ARID5B: variants seen among roughly 807,000 people sequenced by gnomAD.
ARID5B encodes the protein AT-rich interactive domain-containing protein 5B.
ARID5B carries 13 observed loss-of-function variants against 97.2 expected under a neutral mutation model. The observed-to-expected ratio is 0.13, with a 90% CI of 0.09 to 0.21. The LOEUF (loss-of-function observed/expected upper bound fraction) is 0.21, where lower values mean the gene tolerates loss of function less well. Among genes scored for constraint, ARID5B ranks in the 10% least tolerant of loss-of-function variants. The pLI, the probability that ARID5B is intolerant of heterozygous loss-of-function variation, is 1.00. For missense variants in ARID5B, 1,210 were observed against 1,465.3 expected (o/e 0.83, Z 2.84); for synonymous variants, 556 against 570.3 (o/e 0.97, Z 0.36).
intron 2 of ARID5B, among the ~76,000 whole-genome samples, chr10:61,930,523 A>G (rs1844186414): frequency 6.6e-6 from 1 of 151,976 alleles, no homozygotes; most frequent in African/African-American, 2.4e-5. Flanking sequence ...GATCGAGACC[A>G]TCCTGGCTAA....
chr10:61,912,791 C>T (rs1027120030), intron 2 of ARID5B, among the ~76,000 whole-genome samples: 3 of 151,722 alleles, frequency 2.0e-5, no homozygotes, highest in Non-Finnish European at 4.4e-5. Context: ...AGGGAAGTCT[C>T]GCATGCTACA....
At chr10:62,072,842 G>A (rs532686783) in intron 8 of ARID5B, among the ~76,000 whole-genome samples, 12 of 152,284 alleles carry the variant, frequency 7.9e-5, no homozygotes, top group South Asian at 2.1e-4. Flanking sequence ...TAGGATTACC[G>A]TTCTAGATGT....
At chr10:61,950,266 A>G (rs888625321) in intron 3 of ARID5B, among the ~76,000 whole-genome samples, 2 of 152,174 alleles carry the variant, frequency 1.3e-5, no homozygotes, top group African/African-American at 4.8e-5. Flanking sequence ...TCAGCTTCCC[A>G]AAGTGCTTGG....
At chr10:61,972,607 A>C (rs531896335) in intron 3 of ARID5B, among the ~76,000 whole-genome samples, 5 of 152,140 alleles carry the variant, frequency 3.3e-5, no homozygotes, top group African/African-American at 7.2e-5. Flanking sequence ...TTAGTGATGA[A>C]CTCCACTGTA....
chr10:62,031,265 T>A (rs1839494591), intron 4 of ARID5B, among the ~76,000 whole-genome samples: 1 of 152,194 alleles, frequency 6.6e-6, no homozygotes, highest in Non-Finnish European at 1.5e-5. Context: ...TCTGGCATCT[T>A]TAGAGACCCA....
In ARID5B at chr10:62,091,999, C is replaced by T; in HGVS notation, c.2536C>T (p.His846Tyr). ...CCATAGCCTCTACAGACACACCGAG[C>T]ACCATCTTCATAATGAACAGACATC... The part of the protein sequence containing the change: ...HLHSLYRHTE[H>Y]HLHNEQTSKY... Residue 846 changes from histidine (H) to tyrosine (Y), a missense_variant, in exon 10 of 10, where the codon CAC becomes TAC. His to Tyr is a moderately conservative substitution (Grantham distance 83). Coordinates refer to ENST00000279873, the MANE Select transcript of ARID5B (RefSeq NM_032199.3). 6.2e-7 allele frequency: 1 copy of T among 1,614,052 alleles called. No individual in the cohort carries two copies. Among genetic ancestry groups the T allele is most frequent in the Non-Finnish European group, 8.5e-7 (1 of 1,179,988 alleles).
chr10:62,092,274 C>A lies in ARID5B; in HGVS notation c.2811C>A (p.Ile937=). ...CAGGGCCCCAGGAGAGCAAAGGCAT[C>A]TCCCAGTTCCAGGTCTTAGGCAGCC... ...STTGPQESKG[I]SQFQVLGSQS... Residue 937 remains isoleucine, a synonymous_variant, in exon 10 of 10, where the codon ATC becomes ATA. Transcript: ENST00000279873. 1 of 1,606,458 alleles carries A rather than the reference C, an allele frequency of 6.2e-7. No homozygotes were observed. Among genetic ancestry groups the A allele is most frequent in the South Asian group, 1.1e-5 (1 of 89,632 alleles).
intron 7 of ARID5B, among the ~76,000 whole-genome samples, chr10:62,061,110 ACT>A (rs541590804): frequency 1.2e-3 from 184 of 152,310 alleles, no homozygotes; most frequent in African/African-American, 4.2e-3. Context: ...TGTTTTAGAC[ACT>A]GTTAGATGCA....
intron 3 of ARID5B, among the ~76,000 whole-genome samples, chr10:61,946,930 T>C (rs1049917942): frequency 6.6e-6 from 1 of 151,906 alleles, no homozygotes; most frequent in East Asian, 1.9e-4. Context: ...CAAAAAAAAA[T>C]AATAATAATT....
intron 2 of ARID5B, among the ~76,000 whole-genome samples, chr10:61,920,530 T>C (rs1843995849): frequency 6.6e-6 from 1 of 152,048 alleles, no homozygotes; most frequent in South Asian, 2.1e-4. Context: ...AGAGACAGGT[T>C]TCGCCATGTT....
chr10:61,992,837 GCTTA>G (rs1177552793), intron 3 of ARID5B, among the ~76,000 whole-genome samples: 2 of 152,082 alleles, frequency 1.3e-5, no homozygotes, highest in East Asian at 3.9e-4. Context: ...TGCCCCACTT[GCTTA>G]CTGTGTCGAG....
intron 3 of ARID5B, among the ~76,000 whole-genome samples, chr10:61,956,794 A>G (rs1001601528): frequency 6.6e-6 from 1 of 152,362 alleles, no homozygotes; most frequent in African/African-American, 2.4e-5. Flanking sequence ...TACTTTTTAT[A>G]TAACACACAT....
At chr10:61,973,362 T>C (rs900714416) in intron 3 of ARID5B, among the ~76,000 whole-genome samples, 1 of 152,208 alleles carries the variant, frequency 6.6e-6, no homozygotes, top group African/African-American at 2.4e-5. Context: ...CCAATGAGCA[T>C]TTATCCTGAT....
intron 4 of ARID5B, among the ~76,000 whole-genome samples, chr10:62,041,296 T>G (rs1291614119): frequency 6.6e-6 from 1 of 152,142 alleles, no homozygotes; most frequent in Admixed American, 6.5e-5. Flanking sequence ...CAAATGAAGC[T>G]CAGAGACCAC....
At chr10:61,989,627 T>A (rs1189727047) in intron 3 of ARID5B, among the ~76,000 whole-genome samples, 2 of 152,234 alleles carry the variant, frequency 1.3e-5, no homozygotes, top group African/African-American at 4.8e-5. Context: ...AAATAAATTA[T>A]CTAAAATTTT....
chr10:61,915,766 G>C (rs575980688), intron 2 of ARID5B, among the ~76,000 whole-genome samples: 14 of 152,288 alleles, frequency 9.2e-5, no homozygotes, highest in Non-Finnish European at 1.8e-4. Context: ...TTGTTTGTTT[G>C]TTTGTTTGAG....
intron 7 of ARID5B, among the ~76,000 whole-genome samples, chr10:62,065,654 G>A (rs1487411937): frequency 6.6e-6 from 1 of 151,978 alleles, no homozygotes; most frequent in Admixed American, 6.6e-5. Context: ...GACCATCCTG[G>A]CTAACACGGT....
chr10:62,047,408 A>G (rs186125192), intron 4 of ARID5B, among the ~76,000 whole-genome samples: 11 of 152,352 alleles, frequency 7.2e-5, no homozygotes, highest in African/African-American at 2.6e-4. Flanking sequence ...TCATATACAC[A>G]CGTAAAAGTA....
At chr10:61,942,222 C>T (rs948513926) in intron 3 of ARID5B, among the ~76,000 whole-genome samples, 11 of 151,676 alleles carry the variant, frequency 7.3e-5, no homozygotes, top group Non-Finnish European at 1.3e-4. Flanking sequence ...TTAATTCCAC[C>T]CAAAGAAATA....
Sources: gnomAD v4.1 joint callset for allele counts (sites outside exome capture counted in the v4.1 genomes callset) on GRCh38, gnomAD v4.1.1 for gene constraint, MANE v1.5 for transcripts, NCBI Gene and HGNC (gene_info 2026-07-23, HGNC 2026-07-21) for gene names.